Variants in POR observed in about 807,000 individuals in gnomAD.
POR encodes the protein NADPH--cytochrome P450 reductase.
Under a neutral mutation model 84.0 loss-of-function variants are expected in POR, and 56 were observed. That is an observed-to-expected ratio of 0.67 (90% CI 0.54 to 0.83). POR has a LOEUF of 0.83. POR is among the 40% of genes least tolerant of loss of function. The pLI, the probability that POR is intolerant of heterozygous loss-of-function variation, is 0.00. For synonymous variants in POR, 414 were observed against 400.5 expected (o/e 1.03, Z -0.40); for missense variants, 938 against 944.3 (o/e 0.99, Z 0.09).
Position 75,976,093 on chromosome 7 carries a change from G to C in POR, c.238-3358G>C, listed in dbSNP as rs544589655. On this transcript the variant is annotated intron_variant, in intron 3 of 15. Transcript: ENST00000461988. ...CTTTGTGTGTAGTTCAGTAGCTTCT[G>C]ACACATCTCTTACAAAGTTTATTTC... Among the ~76,000 whole-genome samples the C allele has an allele frequency of 5.0e-3, 759 of 152,118 alleles. 4 individuals carry two copies. The highest frequency in any genetic ancestry group is 6.4e-3 in the Non-Finnish European group (436 of 68,000).
intron 2 of POR, among the ~76,000 whole-genome samples, chr7:75,956,489 C>A (rs1288414204): frequency 6.6e-6 from 1 of 152,168 alleles, no homozygotes; most frequent in Non-Finnish European, 1.5e-5. Context: ...CTGGGCGAGA[C>A]CTTAACCTCA....
intron 1 of POR, among the ~76,000 whole-genome samples, chr7:75,924,008 A>G (rs1204505750): frequency 6.6e-6 from 1 of 152,176 alleles, no homozygotes; most frequent in Admixed American, 6.5e-5. Context: ...CCTTGTCTGA[A>G]ATCACATTTT....
In POR at chr7:75,941,956, C is replaced by G. The variant is rs1277766846; in HGVS notation, c.-4-12033C>G. Among the ~76,000 whole-genome samples, 4 of 152,242 alleles carry G rather than the reference C, an allele frequency of 2.6e-5. No individual in the cohort carries two copies. The East Asian group carries it at 7.7e-4, about 29-fold the overall frequency. On this transcript the variant is annotated intron_variant, in intron 1 of 15. Transcript: ENST00000461988. ...ATTTTGGGCCAGGTGCCATGACTCA[C>G]GCCTCTAATCCCAGCACTCTTGGAG... is the stretch of plus-strand genomic sequence containing the variant.
intron 1 of POR, among the ~76,000 whole-genome samples, chr7:75,933,372 C>CTTTGTTTTT (rs1807509514): frequency 2.5e-5 from 2 of 79,592 alleles, no homozygotes; most frequent in African/African-American, 9.0e-5. Context: ...TACAATAGGT[C>CTTTGTTTTT]TTTGTTTTTT....
chr7:75,949,501 G>T (rs6966991), intron 1 of POR, among the ~76,000 whole-genome samples: 11,854 of 150,512 alleles, frequency 0.079, 1,448 homozygotes, highest in African/African-American at 0.26. Flanking sequence ...CTCAGGGTTT[G>T]TTGTTGTTGT....
rs72552771 is a variant in POR at position 75,981,072 on chromosome 7, T to A, written c.541T>A (p.Tyr181Asn). 1 of 1,576,116 alleles carries A rather than the reference T, an allele frequency of 6.3e-7. No homozygotes were observed. The highest frequency in any genetic ancestry group is 8.6e-7 in the Non-Finnish European group (1 of 1,161,346). ...GGTGTTTGGTCTTGGGAACAAGACC[T>A]ACGAGCACTTCAATGCCATGGGCAA... The change falls in exon 6 of 16, where the codon TAC becomes AAC. Residue 181 changes from tyrosine (Y) to asparagine (N), a missense_variant. Transcript: ENST00000461988.
intron 3 of POR, among the ~76,000 whole-genome samples, chr7:75,975,036 A>G (rs554288103): frequency 6.6e-6 from 1 of 151,984 alleles, no homozygotes; most frequent in Non-Finnish European, 1.5e-5. Context: ...TCGCATTTTT[A>G]TTTGTTTTGC....
intron 5 of POR, 184 bp downstream of exon 5, chr7:75,980,672 T>G (rs781803006): frequency 1.3e-6 from 2 of 1,535,472 alleles, no homozygotes; most frequent in African/African-American, 2.7e-5. Context: ...GTCCCCTCCC[T>G]GTCCCCAGCC....
intron 3 of POR, among the ~76,000 whole-genome samples, chr7:75,973,069 C>T (rs539566942): frequency 1.5e-4 from 23 of 152,102 alleles, no homozygotes; most frequent in African/African-American, 3.1e-4. Flanking sequence ...GTGATCCGCC[C>T]GCCTCAGCCT....
chr7:75,986,269 G>A (rs782781076), intron 15 of POR, 28 bp downstream of exon 15: 10 of 1,612,514 alleles, frequency 6.2e-6, no homozygotes, highest in Non-Finnish European at 7.6e-6. Flanking sequence ...CTGGAATAGG[G>A]GGCAGGGAGG....
At chr7:75,919,064 T>C (rs2116185895) in intron 1 of POR, among the ~76,000 whole-genome samples, 1 of 151,746 alleles carries the variant, frequency 6.6e-6, no homozygotes, top group Admixed American at 6.6e-5. Flanking sequence ...AGTGGTGTGA[T>C]CTTGGCTCAC....
At chr7:75,938,751 TC>T (rs1807821200) in intron 1 of POR, among the ~76,000 whole-genome samples, 1 of 152,146 alleles carries the variant, frequency 6.6e-6, no homozygotes, top group Non-Finnish European at 1.5e-5. Context: ...TCCAGCCTGT[TC>T]CGTGAATGAA....
intron 7 of POR, 85 bp downstream of exon 7, chr7:75,981,691 G>T: frequency 1.7e-6 from 2 of 1,171,294 alleles, no homozygotes; most frequent in Non-Finnish European, 2.5e-6. Context: ...GCTGGCAGTG[G>T]GTCGCAGCAA....
chr7:75,980,557 T>A (rs782702207), intron 5 of POR, 69 bp downstream of exon 5: 1 of 1,611,918 alleles, frequency 6.2e-7, no homozygotes, highest in Admixed American at 1.7e-5. Flanking sequence ...TCCAGATCCA[T>A]GTATCTGAAA....
At chr7:75,922,672 T>A (rs1378775453) in intron 1 of POR, 1 of 266,842 alleles carries the variant, frequency 3.7e-6, no homozygotes, top group Non-Finnish European at 7.2e-6. Context: ...GAACTTTTGG[T>A]AGGACTTTAG....
chr7:75,986,828 C>T lies in POR; in HGVS notation c.*347C>T, dbSNP rs541994394. The T allele has an allele frequency of 3.3e-5, 19 of 575,148 alleles. No homozygotes were observed. The highest frequency in any genetic ancestry group is 4.6e-5 in the Non-Finnish European group (15 of 326,864). The allele number at this position is 575,148 out of a possible 1,614,324, so 35.6% of individuals were successfully genotyped here. On this transcript the variant is annotated 3_prime_UTR_variant, in exon 16 of 16. Transcript: ENST00000461988. ...GTAAATAATTTTAAATAACCTCTGGCCCTTGGAATAAAGTTCTGTTTTCTG... is the reference window on the plus strand; with the variant it reads ...GTAAATAATTTTAAATAACCTCTGGTCCTTGGAATAAAGTTCTGTTTTCTG...
Position 75,982,225 on chromosome 7 carries a change from A to G in POR, c.733A>G (p.Ile245Val), listed in dbSNP as rs1789092391. The change falls in exon 8 of 16, where the codon ATT becomes GTT. Residue 245 changes from isoleucine to valine, a missense_variant and splice_region_variant. By Grantham distance (29) the Ile-to-Val change is conservative. Transcript: ENST00000461988. ...TCACCCTTGGTCTCCCCTTTCCAGC[A>G]TTCGCCAGTACGAGCTTGTGGTCCA... is the stretch of plus-strand genomic sequence containing the variant. The G allele has an allele frequency of 6.2e-7, 1 of 1,609,142 alleles. No homozygotes were observed. Among genetic ancestry groups the G allele is most frequent in the Non-Finnish European group, 8.5e-7 (1 of 1,178,050 alleles).
chr7:75,970,074 G>A (rs1554555913), intron 2 of POR, among the ~76,000 whole-genome samples: 2 of 152,136 alleles, frequency 1.3e-5, no homozygotes, highest in African/African-American at 2.4e-5. Flanking sequence ...AGGGAGCCGC[G>A]TGGAAATGTG....
chr7:75,978,162 C>G (rs1554557106), intron 3 of POR, among the ~76,000 whole-genome samples: 1 of 152,158 alleles, frequency 6.6e-6, no homozygotes, highest in Non-Finnish European at 1.5e-5. Context: ...TTCTTTGTGC[C>G]TGTGGGTATA....
Sources: gnomAD v4.1 joint callset for allele counts (sites outside exome capture counted in the v4.1 genomes callset) on GRCh38, gnomAD v4.1.1 for gene constraint, MANE v1.5 for transcripts, NCBI Gene and HGNC (gene_info 2026-07-23, HGNC 2026-07-21) for gene names.